Variants in NCS1 observed in about 807,000 individuals in gnomAD.
The protein encoded by NCS1 is frequenin homolog.
In NCS1, 6 loss-of-function variants were observed where a neutral mutation model predicts 28.4. The observed-to-expected ratio is 0.21, with a 90% confidence interval of 0.12 to 0.42. The LOEUF is 0.42. Among genes scored for constraint, NCS1 ranks in the 10% least tolerant of loss-of-function variants. The pLI is 1.00. For missense variants in NCS1, 131 were observed against 241.4 expected, an observed-to-expected ratio of 0.54 and a Z score of 3.03; for synonymous variants, 86 against 99.3, an observed-to-expected ratio of 0.87 and a Z score of 0.79.
chr9:130,228,370 TG>T (rs1237186236), intron 7 of NCS1, among the ~76,000 whole-genome samples: 19 of 151,886 alleles, frequency 1.3e-4, no homozygotes, highest in African/African-American at 4.3e-4. Flanking sequence ...GTGTTTTTTT[TG>T]TTTGTTTGTT....
chr9:130,173,230 G>C (rs1554904304), intron 1 of NCS1, among the ~76,000 whole-genome samples: 1 of 150,796 alleles, frequency 6.6e-6, no homozygotes, highest in Non-Finnish European at 1.5e-5. Context: ...TTGGCACAGC[G>C]CTCGTCGTGC....
rs1194285913 is a variant in NCS1 at position 130,232,672 on chromosome 9, G to A, written c.*18-318G>A. On this transcript the variant is annotated intron_variant, in intron 7 of 7. Coordinates refer to ENST00000372398, the MANE Select transcript of NCS1 (RefSeq NM_014286.4). This position sits in a 1 kb window ranked among gnomAD's most constrained non-coding sequence, Gnocchi z 4.4. ...ATGGTGGCGGGCGCCTGTAATCCCA[G>A]CTACTTGGGAGGCTGAGGCAGGAGA... Among the ~76,000 whole-genome samples the A allele has an allele frequency of 6.6e-6, 1 of 152,112 alleles. No homozygotes were observed. Among genetic ancestry groups the A allele is most frequent in the Non-Finnish European group, 1.5e-5 (1 of 68,022 alleles).
chr9:130,199,819 C>T (rs1446049987), intron 1 of NCS1, among the ~76,000 whole-genome samples: 3 of 152,252 alleles, frequency 2.0e-5, no homozygotes, highest in Admixed American at 6.5e-5. Flanking sequence ...GGGCTTCCTT[C>T]CCACTTCCCT....
Position 130,183,159 on chromosome 9 carries a change from A to G in NCS1, c.64+10432A>G, listed in dbSNP as rs542682826. On this transcript the variant is annotated intron_variant, in intron 1 of 7. Coordinates refer to ENST00000372398, the MANE Select transcript of NCS1 (RefSeq NM_014286.4). The stretch of plus-strand genomic sequence containing the variant: ...AGTCTGTCGGGGAAGGGGGACAGCC[A>G]GGGAGTTGAGAGTTGGGTCCTGGTT... 2.6e-5 allele frequency among the ~76,000 whole-genome samples: 4 copies of G among 152,336 alleles called. No homozygotes were observed. The South Asian group carries it at 8.3e-4, about 32-fold the overall frequency.
chr9:130,185,194 A>C (rs4448387), intron 1 of NCS1, among the ~76,000 whole-genome samples: 149,400 of 152,316 alleles, frequency 0.98, 73,281 homozygotes, highest in East Asian at 1. Flanking sequence ...CATGTTTCAT[A>C]GTCCCCCTTG....
At chr9:130,216,370 C>T (rs1426484076) in intron 2 of NCS1, among the ~76,000 whole-genome samples, 1 of 152,166 alleles carries the variant, frequency 6.6e-6, no homozygotes, top group Non-Finnish European at 1.5e-5. Flanking sequence ...GTCCGGGCTT[C>T]GAGGACTTGC....
chr9:130,218,583 C>T (rs781822633), intron 3 of NCS1, among the ~76,000 whole-genome samples: 1 of 149,560 alleles, frequency 6.7e-6, no homozygotes, highest in Non-Finnish European at 1.5e-5. Context: ...TATGTTTAAG[C>T]TCTTTACATG....
At chr9:130,223,447 T>A (rs577295337) in intron 6 of NCS1, among the ~76,000 whole-genome samples, 1 of 152,206 alleles carries the variant, frequency 6.6e-6, no homozygotes, top group Non-Finnish European at 1.5e-5. Context: ...CTTCTCAGCA[T>A]AATGGCTTTA....
In NCS1 at chr9:130,177,817, G is replaced by A. The variant is rs562780580; in HGVS notation, c.64+5090G>A. Among the ~76,000 whole-genome samples, 232 of 152,306 alleles carry A rather than the reference G, an allele frequency of 1.5e-3. No homozygotes were observed. Among genetic ancestry groups the A allele is most frequent in the Non-Finnish European group, 3.0e-3 (201 of 68,014 alleles). On this transcript the variant is annotated intron_variant, in intron 1 of 7. Transcript: ENST00000372398. The surrounding 1 kb of genome is among the most constrained non-coding windows in gnomAD (Gnocchi z 4.4). ...GGGGAGCGGGCCAGAAAGACAAAGG[G>A]GTTGTTTGGCAGGAGAGTCCCTGGG...
In NCS1 at chr9:130,232,444, T is replaced by C. The variant is rs1833511729; in HGVS notation, c.*18-546T>C. On this transcript the variant is annotated intron_variant, in intron 7 of 7. Coordinates refer to ENST00000372398, the MANE Select transcript of NCS1 (RefSeq NM_014286.4). The surrounding 1 kb of genome is among the most constrained non-coding windows in gnomAD (Gnocchi z 4.4). ...TCTCTGCTTCCATTTTTGTTTTCTG[T>C]TTTCTGCTATTACAGATGGTGCAGT... Among the ~76,000 whole-genome samples, 1 of 152,256 alleles carries C rather than the reference T, an allele frequency of 6.6e-6. No individual in the cohort carries two copies. Among genetic ancestry groups the C allele is most frequent in the Non-Finnish European group, 1.5e-5 (1 of 68,048 alleles).
intron 1 of NCS1, among the ~76,000 whole-genome samples, chr9:130,174,449 A>G (rs1415582030): frequency 2.0e-5 from 3 of 152,192 alleles, no homozygotes; most frequent in East Asian, 1.9e-4. Flanking sequence ...TGGCATTCCC[A>G]TGATCCCACA....
Position 130,236,276 on chromosome 9 carries a change from G to A in NCS1, c.*3304G>A, listed in dbSNP as rs1336398029. On this transcript the variant is annotated 3_prime_UTR_variant, in exon 8 of 8. Coordinates refer to ENST00000372398, the MANE Select transcript of NCS1 (RefSeq NM_014286.4). ...GGCGGAAAGTCACCCTGTTCCCAGC[G>A]CGGTTTCAGCATTTAATTTTAAGGG... The A allele has an allele frequency of 1.3e-5, 2 of 152,142 alleles. No homozygotes were observed. The highest frequency in any genetic ancestry group is 2.9e-5 in the Non-Finnish European group (2 of 68,036). The allele number at this position is 152,142 out of a possible 1,614,324, so 9.4% of individuals were successfully genotyped here.
chr9:130,195,190 T>A (rs1832862906), intron 1 of NCS1, among the ~76,000 whole-genome samples: 1 of 152,166 alleles, frequency 6.6e-6, no homozygotes, highest in Non-Finnish European at 1.5e-5. Flanking sequence ...GGGTCACTCA[T>A]CCAAGACCAC....
chr9:130,227,964 T>C (rs1554911624), intron 7 of NCS1, among the ~76,000 whole-genome samples: 11 of 152,198 alleles, frequency 7.2e-5, no homozygotes, highest in Non-Finnish European at 2.9e-5. Flanking sequence ...TGTGGTCTCA[T>C]CTGAAGGTTT....
intron 1 of NCS1, among the ~76,000 whole-genome samples, chr9:130,183,061 A>T (rs564372003): frequency 6.6e-6 from 1 of 152,186 alleles, no homozygotes; most frequent in South Asian, 2.1e-4. Flanking sequence ...CTTTCCGAAG[A>T]GTTTTTCCCT....
chr9:130,214,390 A>C (rs1833155956), intron 2 of NCS1, among the ~76,000 whole-genome samples: 1 of 152,228 alleles, frequency 6.6e-6, no homozygotes, highest in Non-Finnish European at 1.5e-5. Flanking sequence ...GGACTATCAC[A>C]ACCTGGGAGA....
rs1477558855 is a variant in NCS1, at chr9:130,186,919, C to T, written c.65-14039C>T. On this transcript the variant is annotated intron_variant, in intron 1 of 7. Coordinates refer to ENST00000372398, the MANE Select transcript of NCS1 (RefSeq NM_014286.4). The surrounding 1 kb of genome is among the most constrained non-coding windows in gnomAD (Gnocchi z 4.1). ...GGGGCACTGACGAGCGATTGAGCAG[C>T]TCAGAGGTGAGCTTATGTGGCCAGA... Among the ~76,000 whole-genome samples, 2 of 152,244 alleles carry T rather than the reference C, an allele frequency of 1.3e-5. No homozygotes were observed. Among genetic ancestry groups the T allele is most frequent in the African/African-American group, 4.8e-5 (2 of 41,462 alleles).
chr9:130,226,476 G>C lies in NCS1; in HGVS notation c.562G>C (p.Gly188Arg). Residue 188 changes from glycine (G) to arginine (R), a missense_variant, in exon 7 of 8, where the codon GGG (glycine) becomes CGG (arginine). Gly to Arg is a moderately radical substitution (Grantham distance 125). Coordinates refer to ENST00000372398, the MANE Select transcript of NCS1 (RefSeq NM_014286.4). The surrounding 1 kb of genome is among the most constrained non-coding windows in gnomAD (Gnocchi z 4.8). Reference sequence around the variant, plus strand: ...TGTGCAGGCGCTGTCCCTCTACGACGGGCTGGTATAGTCCCAGGCTGGAGC... The same window carrying C: ...TGTGCAGGCGCTGTCCCTCTACGACCGGCTGGTATAGTCCCAGGCTGGAGC... The part of the protein sequence containing the change: ...SIVQALSLYD[G>R]LV 2 of 1,613,488 alleles carry C rather than the reference G, an allele frequency of 1.2e-6. No individual in the cohort carries two copies. The highest frequency in any genetic ancestry group is 1.7e-6 in the Non-Finnish European group (2 of 1,179,704).
At chr9:130,199,061 G>A (rs1564707051) in intron 1 of NCS1, among the ~76,000 whole-genome samples, 2 of 151,220 alleles carry the variant, frequency 1.3e-5, no homozygotes, top group African/African-American at 2.4e-5. Context: ...CTGGGTAACT[G>A]GCATCTCCCG....
Sources: allele counts gnomAD v4.1 joint callset (sites outside exome capture counted in the v4.1 genomes callset), GRCh38; gene constraint gnomAD v4.1.1; non-coding constraint Gnocchi (gnomAD v3.1); transcripts MANE v1.5; gene names NCBI Gene and HGNC (gene_info 2026-07-23, HGNC 2026-07-21).